The following FBL variants were observed in gnomAD, a reference collection of about 807,000 sequenced individuals.
FBL encodes the protein fibrillarin rRNA 2'-O-methyltransferase.
FBL carries 10 observed loss-of-function variants against 42.2 expected under a neutral mutation model. That is an observed-to-expected ratio of 0.24 (90% confidence interval 0.15 to 0.40). The LOEUF is 0.40. Among genes scored for constraint, FBL ranks in the 10% least tolerant of loss-of-function variants. The probability of loss-of-function intolerance (pLI) is 1.00; values close to 1 mark genes in which losing one functional copy is unlikely to be tolerated. For synonymous variants in FBL, 165 were observed against 165.4 expected (o/e 1.00, Z 0.02); for missense variants, 351 against 439.2 (o/e 0.80, Z 1.79).
At chr19:39,841,512 T>G (rs986651504) in intron 1 of FBL, among the ~76,000 whole-genome samples, 1 of 152,318 alleles carries the variant, frequency 6.6e-6, no homozygotes, top group East Asian at 1.9e-4. Context: ...CTTGGTTGCA[T>G]AGCAGATTCA....
In FBL at chr19:39,836,621, G is replaced by A; in HGVS notation, c.730C>T (p.Arg244Trp). The change falls in exon 7 of 9, where the codon CGG (arginine) becomes TGG (tryptophan). Residue 244 changes from arginine (R) to tryptophan (W), a missense_variant. Arg to Trp is a moderately radical substitution (Grantham distance 101). Transcript: ENST00000221801. ...FADVAQPDQTRIVALNAHTFL... is the reference protein window; with the variant it reads ...FADVAQPDQTWIVALNAHTFL... Reference sequence around the variant, plus strand: ...GTGTGGGCATTCAGGGCCACAATCCGGGTCTGGTCTGGCTGGGCCACATCA... The same window carrying A: ...GTGTGGGCATTCAGGGCCACAATCCAGGTCTGGTCTGGCTGGGCCACATCA... 1.9e-6 allele frequency: 3 copies of A among 1,614,138 alleles called. No individual in the cohort carries two copies. Among genetic ancestry groups the A allele is most frequent in the Non-Finnish European group, 2.5e-6 (3 of 1,179,996 alleles).
chr19:39,839,346 C>G, intron 4 of FBL, 141 bp from the exon 5 acceptor site: 2 of 638,400 alleles, frequency 3.1e-6, no homozygotes, highest in Non-Finnish European at 5.3e-6. Context: ...AGTGACCATG[C>G]ACATGCAGTC....
intron 6 of FBL, 140 bp from the exon 7 acceptor site, chr19:39,836,808 C>G: frequency 1.7e-6 from 1 of 603,192 alleles, no homozygotes; most frequent in Non-Finnish European, 2.9e-6. Context: ...CCACTGGTCC[C>G]CCTCCCTCCA....
intron 5 of FBL, 165 bp from the exon 6 acceptor site, chr19:39,838,008 G>T: frequency 1.7e-6 from 1 of 578,644 alleles, no homozygotes; most frequent in Non-Finnish European, 2.9e-6. Context: ...AATAAACTGA[G>T]GTCCAGACAT....
chr19:39,834,976 G>C (rs556420278), intron 7 of FBL, among the ~76,000 whole-genome samples, 163 bp from the exon 8 acceptor site: 4 of 152,228 alleles, frequency 2.6e-5, no homozygotes, highest in Non-Finnish European at 4.4e-5. Flanking sequence ...ACCCTTAAAT[G>C]CAAGAGTTGA....
intron 7 of FBL, among the ~76,000 whole-genome samples, chr19:39,835,068 G>C (rs1051327327): frequency 1.3e-5 from 2 of 152,208 alleles, no homozygotes; most frequent in African/African-American, 4.8e-5. Flanking sequence ...ACAAGAGTGG[G>C]TTGCTGATTA....
Position 39,840,163 on chromosome 19 carries a change from G to T in FBL, c.378+70C>A. 1 of 1,035,574 alleles carries T rather than the reference G, an allele frequency of 9.7e-7. No individual in the cohort carries two copies. Among genetic ancestry groups the T allele is most frequent in the South Asian group, 1.3e-5 (1 of 78,428 alleles). The allele number at this position is 1,035,574 out of a possible 1,614,324, so 64.1% of individuals were successfully genotyped here. A position where few individuals can be genotyped will look rare whatever the true frequency, so the allele number is the denominator to read the frequency against. On this transcript the variant is annotated intron_variant, in intron 4 of 8. Coordinates refer to ENST00000221801, the MANE Select transcript of FBL (RefSeq NM_001436.4). This position sits in a 1 kb window ranked among gnomAD's most constrained non-coding sequence, Gnocchi z 4.5. ...TGTCACGTGCAGGACACATGGTGAG[G>T]GCAGACACAGACTACTGGCTACACC... is the stretch of plus-strand genomic sequence containing the variant.
rs1366473545 is a variant in FBL, at chr19:39,840,171, C to T, written c.378+62G>A. 8.6e-7 allele frequency: 1 copy of T among 1,157,648 alleles called. No individual in the cohort carries two copies. Among genetic ancestry groups the T allele is most frequent in the Non-Finnish European group, 1.3e-6 (1 of 766,464 alleles). The allele number at this position is 1,157,648 out of a possible 1,614,324, so 71.7% of individuals were successfully genotyped here. A position where few individuals can be genotyped will look rare whatever the true frequency, so the allele number is the denominator to read the frequency against. On this transcript the variant is annotated intron_variant, in intron 4 of 8. Coordinates refer to ENST00000221801, the MANE Select transcript of FBL (RefSeq NM_001436.4). This position sits in a 1 kb window ranked among gnomAD's most constrained non-coding sequence, Gnocchi z 4.5. ...GCAGGACACATGGTGAGGGCAGACA[C>T]AGACTACTGGCTACACCCTCAGCTG...
At position 39,840,415 on chromosome 19, in the gene FBL, C is replaced by T; in HGVS notation, c.282G>A (p.Glu94=). 6.2e-7 allele frequency: 1 copy of T among 1,614,134 alleles called. No individual in the cohort carries two copies. Among genetic ancestry groups the T allele is most frequent in the Non-Finnish European group, 8.5e-7 (1 of 1,179,998 alleles). Residue 94 remains glutamate (E), a splice_region_variant and synonymous_variant, in exon 3 of 9, where the codon GAG becomes GAA. Transcript: ENST00000221801. This position sits in a 1 kb window ranked among gnomAD's most constrained non-coding sequence, Gnocchi z 4.5. ...KNVMVEPHRH[E]GVFICRGKED... ...CGGCTCCCTGCCTTCCTCACTCACC[C>T]TCATGCCGATGCGGCTCCACCATCA...
At chr19:39,838,065 T>G in intron 5 of FBL, 1 of 486,530 alleles carries the variant, frequency 2.1e-6, no homozygotes, top group Non-Finnish European at 3.6e-6. Context: ...AAGTACCCAA[T>G]CCCATCTGCC....
chr19:39,843,129 C>A (rs1969191453), intron 1 of FBL, among the ~76,000 whole-genome samples: 1 of 152,212 alleles, frequency 6.6e-6, no homozygotes, highest in Non-Finnish European at 1.5e-5. Flanking sequence ...ATTATTACCA[C>A]CTGCCTCCCC....
intron 1 of FBL, among the ~76,000 whole-genome samples, chr19:39,842,179 A>G (rs534157842): frequency 1.3e-5 from 2 of 150,446 alleles, no homozygotes; most frequent in East Asian, 3.9e-4. Context: ...TCCACCTCCC[A>G]GGTTCACGCC....
chr19:39,834,596 C>A, intron 8 of FBL, 34 bp from the exon 9 acceptor site: 3 of 1,614,078 alleles, frequency 1.9e-6, no homozygotes, highest in Non-Finnish European at 2.5e-6. Flanking sequence ...AAGGAGGGTC[C>A]CCAGGATCAT....
intron 1 of FBL, among the ~76,000 whole-genome samples, chr19:39,843,874 T>A (rs1028467760): frequency 6.6e-6 from 1 of 152,232 alleles, no homozygotes; most frequent in African/African-American, 2.4e-5. Context: ...GGCACCTACT[T>A]TGAACATCAT....
intron 6 of FBL, 52 bp from the exon 7 acceptor site, chr19:39,836,720 G>T: frequency 1.4e-6 from 2 of 1,416,870 alleles, no homozygotes; most frequent in Non-Finnish European, 2.0e-6. Flanking sequence ...GATCACCCCA[G>T]ATCCTCCCAT....
intron 1 of FBL, among the ~76,000 whole-genome samples, chr19:39,843,490 C>T (rs1011003649): frequency 2.0e-5 from 3 of 152,210 alleles, no homozygotes; most frequent in Admixed American, 1.3e-4. Flanking sequence ...CAGTGCCAGG[C>T]CACGCGCCAT....
intron 6 of FBL, 83 bp from the exon 7 acceptor site, chr19:39,836,751 G>T: frequency 1.0e-6 from 1 of 1,000,354 alleles, no homozygotes; most frequent in Non-Finnish European, 1.5e-6. Context: ...CCCATCACCA[G>T]CAGGTTCCTG....
chr19:39,834,567 G>C lies in FBL; in HGVS notation c.942-5C>G. 6.2e-7 allele frequency: 1 copy of C among 1,614,184 alleles called. No individual in the cohort carries two copies. The highest frequency in any genetic ancestry group is 1.1e-5 in the South Asian group (1 of 91,078). ...TTCTTCACCTTGGGGGGTGGCCTGT[G>C]AGAGGAAGATAGGTGATGAAGGAGG... On this transcript the variant is annotated splice_polypyrimidine_tract_variant and splice_region_variant and intron_variant, in intron 8 of 8. Coordinates refer to ENST00000221801, the MANE Select transcript of FBL (RefSeq NM_001436.4).
intron 5 of FBL, 177 bp downstream of exon 5, chr19:39,838,858 G>A (rs1291457123): frequency 3.3e-6 from 2 of 605,188 alleles, no homozygotes; most frequent in African/African-American, 1.9e-5. Flanking sequence ...GAACCCAGGA[G>A]TGAGGTTGAA....
Sources: allele counts gnomAD v4.1 joint callset (sites outside exome capture counted in the v4.1 genomes callset), GRCh38; gene constraint gnomAD v4.1.1; non-coding constraint Gnocchi (gnomAD v3.1); transcripts MANE v1.5; gene names NCBI Gene and HGNC (gene_info 2026-07-23, HGNC 2026-07-21).